Variants in CFAP44 observed in about 807,000 individuals in gnomAD.
The protein encoded by CFAP44 is cilia and flagella associated protein 44, also known as cilia- and flagella-associated protein 44.
Under a neutral mutation model 216.2 loss-of-function variants are expected in CFAP44, and 134 were observed. The observed-to-expected ratio is 0.62, with a 90% CI of 0.54 to 0.72. CFAP44 has a LOEUF of 0.72. Ranked by LOEUF, CFAP44 falls within the 30% of genes least tolerant of loss-of-function variation. The probability of loss-of-function intolerance (pLI) is 0.00; values close to 1 mark genes in which losing one functional copy is unlikely to be tolerated. For synonymous variants in CFAP44, 700 were observed against 727.6 expected (o/e 0.96, Z 0.61); for missense variants, 2,035 against 2,182.1 (o/e 0.93, Z 1.34).
chr3:113,375,399 C>G (rs566637903), intron 17 of CFAP44, among the ~76,000 whole-genome samples: 1 of 151,998 alleles, frequency 6.6e-6, no homozygotes, highest in African/African-American at 2.4e-5. Flanking sequence ...ATAAAAGTTA[C>G]GAAGCTGGAA....
intron 16 of CFAP44, 43 bp from the exon 17 acceptor site, chr3:113,379,594 T>G: frequency 6.9e-7 from 1 of 1,453,284 alleles, no homozygotes; most frequent in South Asian, 1.4e-5. Flanking sequence ...CAATTATGAC[T>G]CATTCGTTCA....
intron 21 of CFAP44, chr3:113,360,284 T>C (rs1950526645): frequency 5.1e-6 from 1 of 196,740 alleles, no homozygotes; most frequent in Non-Finnish European, 1.1e-5. Flanking sequence ...TCAAGTGAGA[T>C]ACACCAGACA....
At chr3:113,415,706 G>A (rs1035649538) in intron 6 of CFAP44, among the ~76,000 whole-genome samples, 1 of 152,114 alleles carries the variant, frequency 6.6e-6, no homozygotes, top group African/African-American at 2.4e-5. Flanking sequence ...GTTCTAATTT[G>A]ATTGCACTGT....
intron 28 of CFAP44, among the ~76,000 whole-genome samples, chr3:113,315,754 G>T (rs972412969): frequency 1.2e-4 from 18 of 152,168 alleles, no homozygotes; most frequent in African/African-American, 4.1e-4. Flanking sequence ...TTCATTTTCA[G>T]TACTATGTTC....
intron 4 of CFAP44, 34 bp downstream of exon 4, chr3:113,426,090 C>T (rs1285317913): frequency 8.1e-6 from 13 of 1,602,140 alleles, no homozygotes; most frequent in Non-Finnish European, 1.0e-5. Context: ...AAATGAAAAT[C>T]CCAAAATTAT....
chr3:113,403,413 TAGC>T (rs1428272880), intron 9 of CFAP44, among the ~76,000 whole-genome samples: 6 of 152,202 alleles, frequency 3.9e-5, no homozygotes, highest in African/African-American at 1.4e-4. Context: ...AAGAAGAATG[TAGC>T]ATCCATAGGC....
At chr3:113,342,143 G>A (rs1368151850) in intron 23 of CFAP44, among the ~76,000 whole-genome samples, 1 of 152,128 alleles carries the variant, frequency 6.6e-6, no homozygotes, top group Non-Finnish European at 1.5e-5. Flanking sequence ...GACCAGCCTG[G>A]GCAACGTGGT....
chr3:113,390,863 GAT>G (rs1431224396), intron 15 of CFAP44, among the ~76,000 whole-genome samples: 1 of 151,968 alleles, frequency 6.6e-6, no homozygotes, highest in African/African-American at 2.4e-5. Context: ...AAAAAGGAAA[GAT>G]ATTCCATATT....
chr3:113,387,305 G>A (rs1559932172), intron 15 of CFAP44, among the ~76,000 whole-genome samples: 1 of 152,138 alleles, frequency 6.6e-6, no homozygotes, highest in Non-Finnish European at 1.5e-5. Context: ...AAGGAGAGGA[G>A]GGGGAAAAAT....
chr3:113,333,495 G>T lies in CFAP44; in HGVS notation c.3526C>A (p.Leu1176Met). The change falls in exon 25 of 35, where the codon CTG becomes ATG. Residue 1176 changes from leucine (L) to methionine (M), a missense_variant. Transcript: ENST00000393845. ...ATCTTGTAGTCTGGGGCTGTCTTCA[G>T]ATTGAAATCTCCCATATACACCTGG... ...EAQVYMGDFN[L>M]KTAPDYKIPE... 1 of 1,537,078 alleles carries T rather than the reference G, an allele frequency of 6.5e-7. No homozygotes were observed. The highest frequency in any genetic ancestry group is 8.7e-7 in the Non-Finnish European group (1 of 1,146,854).
chr3:113,330,067 T>C, intron 26 of CFAP44, 101 bp downstream of exon 26: 1 of 1,388,362 alleles, frequency 7.2e-7, no homozygotes, highest in Non-Finnish European at 9.5e-7. Flanking sequence ...TGGGAAAGGT[T>C]CATGCAGAGA....
At chr3:113,433,819 G>T (rs916660214) in intron 1 of CFAP44, 150 bp from the exon 2 acceptor site, 1 of 605,672 alleles carries the variant, frequency 1.7e-6, no homozygotes, top group Non-Finnish European at 2.9e-6. Context: ...CAGTAGGAGG[G>T]TGCAACTACC....
intron 19 of CFAP44, among the ~76,000 whole-genome samples, chr3:113,364,041 A>C (rs1950566231): frequency 6.6e-6 from 1 of 152,184 alleles, no homozygotes; most frequent in Non-Finnish European, 1.5e-5. Context: ...AAAGAACAAT[A>C]TAATCCCCCT....
chr3:113,353,021 G>A (rs777334066), intron 22 of CFAP44, among the ~76,000 whole-genome samples: 4 of 152,252 alleles, frequency 2.6e-5, no homozygotes, highest in African/African-American at 4.8e-5. Flanking sequence ...CAGGAGTTAA[G>A]GAAAAGAGGA....
At chr3:113,431,028 T>C (rs1935092874) in intron 2 of CFAP44, among the ~76,000 whole-genome samples, 1 of 152,056 alleles carries the variant, frequency 6.6e-6, no homozygotes, top group African/African-American at 2.4e-5. Flanking sequence ...AAAAGTCTAC[T>C]CCAACTTCTC....
Position 113,425,915 on chromosome 3 carries a change from C to G in CFAP44, c.407+209G>C, listed in dbSNP as rs1433398061. ...TTTTGCCTTGTGAGCCAGATGGTCT[C>G]TGTCACAACTACTTATCCCTGTCCT... is the stretch of plus-strand genomic sequence containing the variant. On this transcript the variant is annotated intron_variant, in intron 4 of 34. Transcript: ENST00000393845. The G allele has an allele frequency of 4.2e-5, 22 of 519,874 alleles. No individual in the cohort carries two copies. In the Admixed American group the frequency reaches 4.4e-4, roughly 10 times the overall value. 32.2% of individuals were successfully genotyped at this position (519,874 alleles called of 1,614,324 possible).
intron 22 of CFAP44, among the ~76,000 whole-genome samples, chr3:113,352,069 T>C (rs1259231625): frequency 6.6e-6 from 1 of 152,016 alleles, no homozygotes; most frequent in Non-Finnish European, 1.5e-5. Flanking sequence ...AGAGGGGGGA[T>C]TGAGAGGTGA....
chr3:113,403,171 G>A (rs1030005135), intron 9 of CFAP44, among the ~76,000 whole-genome samples: 1 of 152,034 alleles, frequency 6.6e-6, no homozygotes, highest in African/African-American at 2.4e-5. Context: ...CTTATGAAAG[G>A]CCCCACTGAA....
chr3:113,300,976 G>A (rs1949928661), intron 32 of CFAP44, among the ~76,000 whole-genome samples: 2 of 151,994 alleles, frequency 1.3e-5, no homozygotes, highest in Admixed American at 6.6e-5. Flanking sequence ...TATGCCCTAC[G>A]ACCCAGCTGT....
Sources: allele counts gnomAD v4.1 joint callset (sites outside exome capture counted in the v4.1 genomes callset), GRCh38; gene constraint gnomAD v4.1.1; transcripts MANE v1.5; gene names NCBI Gene and HGNC (gene_info 2026-07-23, HGNC 2026-07-21).